The following ATP10D variants were observed in gnomAD, a reference collection of about 807,000 sequenced individuals.
ATP10D encodes the protein phospholipid-transporting ATPase VD.
ATP10D carries 89 observed loss-of-function variants against 144.8 expected under a neutral mutation model. The observed-to-expected ratio is 0.61, with a 90% CI of 0.52 to 0.73. The LOEUF is 0.73. ATP10D is among the 30% of genes least tolerant of loss of function. ATP10D has a pLI of 0.00. For missense variants in ATP10D, 1,603 were observed against 1,714.8 expected (o/e 0.93, Z 1.15); for synonymous variants, 571 against 615.1 (o/e 0.93, Z 1.06).
chr4:47,509,859 A>T lies in ATP10D; in HGVS notation c.-37-2645A>T, dbSNP rs1039357768. ...ATTCAATGCATCCTAACTAGTACTAATATGAGAGAGAGAAGAAAGAAGATC... is the reference window on the plus strand; with the variant it reads ...ATTCAATGCATCCTAACTAGTACTATTATGAGAGAGAGAAGAAAGAAGATC... On this transcript the variant is annotated intron_variant, in intron 1 of 22. Transcript: ENST00000273859. Among the ~76,000 whole-genome samples, 4 of 152,054 alleles carry T rather than the reference A, an allele frequency of 2.6e-5. No homozygotes were observed. The East Asian group carries it at 7.7e-4, about 29-fold the overall frequency.
Position 47,536,776 on chromosome 4 carries a change from G to A in ATP10D, c.1234G>A (p.Glu412Lys). Residue 412 changes from glutamate (E) to lysine (K), a missense_variant, in exon 9 of 23, where the codon GAA becomes AAA. By Grantham distance (56) the Glu-to-Lys change is moderately conservative (BLOSUM62 1). Coordinates refer to ENST00000273859, the MANE Select transcript of ATP10D (RefSeq NM_020453.4). Reference protein sequence around the residue: ...FIQSDVDFYNEKMDSIVQCRA... With the variant: ...FIQSDVDFYNKKMDSIVQCRA... ...TCAAAGTGATGTGGATTTCTACAATGAAAAAATGGATTCTATTGTTCAGTG... is the reference window on the plus strand; with the variant it reads ...TCAAAGTGATGTGGATTTCTACAATAAAAAAATGGATTCTATTGTTCAGTG... 6.2e-7 allele frequency: 1 copy of A among 1,613,122 alleles called. No individual in the cohort carries two copies. The highest frequency in any genetic ancestry group is 8.5e-7 in the Non-Finnish European group (1 of 1,179,564).
At chr4:47,528,509 GTGTGTATATA>G (rs1183855681) in intron 5 of ATP10D, among the ~76,000 whole-genome samples, 13 of 57,682 alleles carry the variant, frequency 2.3e-4, no homozygotes, top group African/African-American at 9.7e-4. Context: ...GTGTGTGTGT[GTGTGTATATA>G]TATATATATA....
intron 21 of ATP10D, chr4:47,583,451 C>T (rs7655242): frequency 1.2e-4 from 19 of 152,236 alleles, no homozygotes; most frequent in Middle Eastern, 3.4e-3. Flanking sequence ...TAAAGTAGGG[C>T]TGATTATTTT....
chr4:47,541,082 T>A (rs1425425741), intron 9 of ATP10D, among the ~76,000 whole-genome samples: 1 of 152,142 alleles, frequency 6.6e-6, no homozygotes, highest in African/African-American at 2.4e-5. Context: ...CTATCTAATT[T>A]CTCTGTGCCT....
chr4:47,507,018 T>C (rs1181349947), intron 1 of ATP10D, among the ~76,000 whole-genome samples: 1 of 152,222 alleles, frequency 6.6e-6, no homozygotes, highest in Non-Finnish European at 1.5e-5. Flanking sequence ...GTTAGTTGCC[T>C]AGAAGCCTCC....
In ATP10D at chr4:47,536,691, G is replaced by A. The variant is rs1488327219; in HGVS notation, c.1149G>A (p.Leu383=). 1 of 1,606,868 alleles carries A rather than the reference G, an allele frequency of 6.2e-7. No individual in the cohort carries two copies. Among genetic ancestry groups the A allele is most frequent in the Non-Finnish European group, 8.5e-7 (1 of 1,177,084 alleles). The part of the protein sequence containing the change: ...FWTMIILLQV[L]IPISLYVSIE... Reference sequence around the variant, plus strand: ...ACTTGTTTGGATCTTCTTAGGTCTTGATTCCTATTTCTCTCTATGTTTCCA... The same window carrying A: ...ACTTGTTTGGATCTTCTTAGGTCTTAATTCCTATTTCTCTCTATGTTTCCA... The change falls in exon 9 of 23, where the codon TTG becomes TTA. Residue 383 remains leucine (L), a synonymous_variant. Transcript: ENST00000273859.
rs1390617004 is a variant in ATP10D, at chr4:47,485,457, C to T, written c.-100C>T. The T allele has an allele frequency of 1.3e-5, 2 of 151,776 alleles. No individual in the cohort carries two copies. The highest frequency in any genetic ancestry group is 2.4e-5 in the African/African-American group (1 of 41,312). The allele number at this position is 151,776 out of a possible 1,614,324, so 9.4% of individuals were successfully genotyped here. A position where few individuals can be genotyped will look rare whatever the true frequency, so the allele number is the denominator to read the frequency against. On this transcript the variant is annotated 5_prime_UTR_variant, in exon 1 of 23. Transcript: ENST00000273859. ...TTTCACTCTTCGAATTTGTGCTTAG[C>T]TCTTTTCTTGTACCTTGCGACTCGT...
At chr4:47,523,307 T>A in intron 4 of ATP10D, 91 bp downstream of exon 4, 1 of 1,064,434 alleles carries the variant, frequency 9.4e-7, no homozygotes, top group Non-Finnish European at 1.4e-6. Context: ...AAGAGATTTT[T>A]AATTCATTTT....
At chr4:47,588,300 A>G (rs1720879304) in intron 22 of ATP10D, among the ~76,000 whole-genome samples, 1 of 152,210 alleles carries the variant, frequency 6.6e-6, no homozygotes, top group Non-Finnish European at 1.5e-5. Context: ...TGTTTAGTTG[A>G]AAATATTATA....
At chr4:47,487,154 G>A (rs538852396) in intron 1 of ATP10D, among the ~76,000 whole-genome samples, 4 of 150,682 alleles carry the variant, frequency 2.7e-5, no homozygotes, top group African/African-American at 4.9e-5. Flanking sequence ...GCTTGAGCCC[G>A]GGAGGCGGAG....
At chr4:47,573,100 T>C (rs1293224870) in intron 18 of ATP10D, 103 bp downstream of exon 18, 2 of 1,389,628 alleles carry the variant, frequency 1.4e-6, no homozygotes, top group South Asian at 1.3e-5. Flanking sequence ...ACTTTCCTTA[T>C]TGATGTATTG....
At chr4:47,537,109 G>A (rs926241622) in intron 9 of ATP10D, among the ~76,000 whole-genome samples, 171 bp downstream of exon 9, 3 of 152,122 alleles carry the variant, frequency 2.0e-5, no homozygotes, top group African/African-American at 7.2e-5. Flanking sequence ...AAAGCTAGTA[G>A]GTTAAAGTCA....
intron 1 of ATP10D, among the ~76,000 whole-genome samples, chr4:47,510,634 C>T (rs111990291): frequency 3.9e-5 from 6 of 152,228 alleles, no homozygotes; most frequent in Non-Finnish European, 5.9e-5. Context: ...TGTTTGCTAG[C>T]GTGAGGTTAT....
chr4:47,522,285 T>C (rs1716985183), intron 3 of ATP10D, among the ~76,000 whole-genome samples: 1 of 152,218 alleles, frequency 6.6e-6, no homozygotes, highest in African/African-American at 2.4e-5. Context: ...ACCCATCCTA[T>C]CTGCCTGATG....
At position 47,593,073 on chromosome 4, in the gene ATP10D, G is replaced by A. The variant is rs61758580; in HGVS notation, c.*1692G>A. On this transcript the variant is annotated 3_prime_UTR_variant, in exon 23 of 23. Transcript: ENST00000273859. ...CTGGCATTCATTCCCTGAAATCGTC[G>A]TCTCCTGATAAACAATAATTTAGAG... 6.6e-5 allele frequency: 10 copies of A among 151,878 alleles called. No individual in the cohort carries two copies. Among genetic ancestry groups the A allele is most frequent in the African/African-American group, 1.5e-4 (6 of 41,336 alleles). 9.4% of individuals were successfully genotyped at this position (151,878 alleles called of 1,614,324 possible).
chr4:47,525,587 A>G lies in ATP10D; in HGVS notation c.721A>G (p.Ser241Gly), dbSNP rs998690829. 6.2e-7 allele frequency: 1 copy of G among 1,613,520 alleles called. No homozygotes were observed. Among genetic ancestry groups the G allele is most frequent in the East Asian group, 2.2e-5 (1 of 44,870 alleles). ...DSEVDPEKFS[S>G]RIECESPNND... ...TGAAGTTGATCCTGAGAAGTTTTCCAGTAGGATAGAATGTGAAAGCCCAAA... is the reference window on the plus strand; with the variant it reads ...TGAAGTTGATCCTGAGAAGTTTTCCGGTAGGATAGAATGTGAAAGCCCAAA... The change falls in exon 5 of 23, where the codon AGT becomes GGT. Residue 241 changes from serine to glycine, a missense_variant. Ser to Gly is a moderately conservative substitution (Grantham distance 56). Transcript: ENST00000273859.
At chr4:47,509,229 A>G (rs1017988235) in intron 1 of ATP10D, among the ~76,000 whole-genome samples, 7 of 81,770 alleles carry the variant, frequency 8.6e-5, no homozygotes, top group Admixed American at 1.6e-4. Context: ...AACATTGAAA[A>G]TATTATTTCT....
chr4:47,588,760 A>G (rs1190944326), intron 22 of ATP10D, among the ~76,000 whole-genome samples: 1 of 152,230 alleles, frequency 6.6e-6, no homozygotes, highest in Non-Finnish European at 1.5e-5. Flanking sequence ...TGCTATTGCC[A>G]GCTTCCAGAT....
intron 1 of ATP10D, among the ~76,000 whole-genome samples, chr4:47,492,727 A>C (rs1323172161): frequency 6.6e-6 from 1 of 152,198 alleles, no homozygotes; most frequent in Admixed American, 6.5e-5. Context: ...GAAAATCTTT[A>C]ATACATTTTC....
Sources: allele counts gnomAD v4.1 joint callset (sites outside exome capture counted in the v4.1 genomes callset), GRCh38; gene constraint gnomAD v4.1.1; transcripts MANE v1.5; gene names NCBI Gene and HGNC (gene_info 2026-07-23, HGNC 2026-07-21).